Variants in NEGR1 observed in about 807,000 individuals in gnomAD.
The protein encoded by NEGR1 is IgLON family member 4.
A neutral mutation model predicts 40.9 loss-of-function variants in NEGR1; 10 were observed. The ratio of observed to expected loss-of-function variants is 0.24; its 90% CI spans 0.15 to 0.42. The LOEUF is 0.42. Among genes scored for constraint, NEGR1 ranks in the 10% least tolerant of loss-of-function variants. The pLI, the probability that NEGR1 is intolerant of heterozygous loss-of-function variation, is 1.00. For synonymous variants in NEGR1, 185 were observed against 166.8 expected, an observed-to-expected ratio of 1.11 and a Z score of -0.84; for missense variants, 352 against 438.9, an observed-to-expected ratio of 0.80 and a Z score of 1.77.
At position 71,839,329 on chromosome 1, in the gene NEGR1, G is replaced by A. The variant is rs564738048; in HGVS notation, c.410-63032C>T. On this transcript the variant is annotated intron_variant, in intron 2 of 6. Transcript: ENST00000357731. ...AGTAATTCTCCTGCCTCAGCCTCCCGAGTAGCTGGGATTACAGGGGTGAGC... is the reference window on the plus strand; with the variant it reads ...AGTAATTCTCCTGCCTCAGCCTCCCAAGTAGCTGGGATTACAGGGGTGAGC... Among the ~76,000 whole-genome samples, 6 of 150,544 alleles carry A rather than the reference G, an allele frequency of 4.0e-5. No homozygotes were observed. The East Asian group carries it at 1.2e-3, about 30-fold the overall frequency.
At chr1:71,721,325 T>C (rs915122890) in intron 3 of NEGR1, among the ~76,000 whole-genome samples, 2 of 152,156 alleles carry the variant, frequency 1.3e-5, no homozygotes, top group Admixed American at 6.6e-5. Flanking sequence ...CAACAAGTTA[T>C]ATAGAATGTT....
At chr1:71,690,661 G>GAGAGAGAC (rs1653245365) in intron 4 of NEGR1, among the ~76,000 whole-genome samples, 1 of 139,400 alleles carries the variant, frequency 7.2e-6, no homozygotes, top group Non-Finnish European at 1.6e-5. Flanking sequence ...GAGAGAGAGA[G>GAGAGAGAC]AGAGATTGAG....
At chr1:71,796,558 TTTTTG>T (rs1036046310) in intron 2 of NEGR1, among the ~76,000 whole-genome samples, 2 of 152,088 alleles carry the variant, frequency 1.3e-5, no homozygotes, top group African/African-American at 2.4e-5. Context: ...TGACCAAGGT[TTTTTG>T]TTTTGTTTTG....
chr1:72,166,532 T>C (rs1280037640), intron 1 of NEGR1, among the ~76,000 whole-genome samples: 2 of 152,132 alleles, frequency 1.3e-5, no homozygotes, highest in Non-Finnish European at 2.9e-5. Context: ...TCAACCTCAG[T>C]GTCTACCAGC....
At chr1:72,073,965 A>G (rs371295774) in intron 1 of NEGR1, among the ~76,000 whole-genome samples, 43 of 152,276 alleles carry the variant, frequency 2.8e-4, no homozygotes, top group African/African-American at 9.4e-4. Flanking sequence ...AAGTTTTGAG[A>G]TTAAAAATGG....
At chr1:71,785,672 G>A (rs1418423725) in intron 2 of NEGR1, among the ~76,000 whole-genome samples, 4 of 152,098 alleles carry the variant, frequency 2.6e-5, no homozygotes, top group South Asian at 4.1e-4. Flanking sequence ...CTCATCCTTG[G>A]CAGTGAACTA....
chr1:71,763,717 G>C (rs1201820155), intron 3 of NEGR1, among the ~76,000 whole-genome samples: 1 of 150,788 alleles, frequency 6.6e-6, no homozygotes, highest in Non-Finnish European at 1.5e-5. Context: ...AAAGCTATAA[G>C]GAAAATAAAG....
chr1:72,040,428 C>G (rs371442325), intron 1 of NEGR1, among the ~76,000 whole-genome samples: 1 of 151,448 alleles, frequency 6.6e-6, no homozygotes, highest in African/African-American at 2.4e-5. Flanking sequence ...AGCACTTAAG[C>G]ACCTCTTAAA....
chr1:71,851,613 G>T lies in NEGR1; in HGVS notation c.410-75316C>A, dbSNP rs1011567243. 4.6e-5 allele frequency among the ~76,000 whole-genome samples: 7 copies of T among 152,012 alleles called. No homozygotes were observed. The South Asian group carries it at 1.0e-3, about 22-fold the overall frequency. Reference sequence around the variant, plus strand: ...TAGTAAAAGAGATTTTTAATGCAAGGTTAGACAAGAAAAATATGGGTAAAA... The same window carrying T: ...TAGTAAAAGAGATTTTTAATGCAAGTTTAGACAAGAAAAATATGGGTAAAA... On this transcript the variant is annotated intron_variant, in intron 2 of 6. Coordinates refer to ENST00000357731, the MANE Select transcript of NEGR1 (RefSeq NM_173808.3).
chr1:71,645,296 G>A (rs914477500), intron 4 of NEGR1, among the ~76,000 whole-genome samples: 1 of 151,902 alleles, frequency 6.6e-6, no homozygotes, highest in African/African-American at 2.4e-5. Context: ...GATATTTGTT[G>A]ACTGTTAGGT....
At chr1:71,428,194 G>C (rs1341947984) in intron 6 of NEGR1, among the ~76,000 whole-genome samples, 1 of 152,134 alleles carries the variant, frequency 6.6e-6, no homozygotes, top group Non-Finnish European at 1.5e-5. Context: ...ATGCCCTCTT[G>C]TATTTTCACA....
At chr1:72,028,560 T>C (rs1369987726) in intron 1 of NEGR1, among the ~76,000 whole-genome samples, 1 of 152,150 alleles carries the variant, frequency 6.6e-6, no homozygotes, top group Non-Finnish European at 1.5e-5. Flanking sequence ...CACCCACAAA[T>C]TGTAGTTGCC....
chr1:71,853,055 C>A (rs940391940), intron 2 of NEGR1, among the ~76,000 whole-genome samples: 3 of 151,974 alleles, frequency 2.0e-5, no homozygotes, highest in African/African-American at 7.2e-5. Context: ...TCCATGTTGA[C>A]CCTCAGAAAT....
intron 6 of NEGR1, among the ~76,000 whole-genome samples, chr1:71,580,797 T>C (rs1210628950): frequency 6.6e-6 from 1 of 152,148 alleles, no homozygotes; most frequent in Non-Finnish European, 1.5e-5. Context: ...GATGGACTAA[T>C]TGAAGATAAG....
chr1:72,218,049 T>C (rs1162513994), intron 1 of NEGR1, among the ~76,000 whole-genome samples: 1 of 151,866 alleles, frequency 6.6e-6, no homozygotes, highest in Non-Finnish European at 1.5e-5. Context: ...TTTTTCCTGT[T>C]ATAATTAGGT....
intron 1 of NEGR1, among the ~76,000 whole-genome samples, chr1:71,999,429 A>G (rs1291158559): frequency 1.3e-5 from 2 of 151,234 alleles, no homozygotes; most frequent in Non-Finnish European, 3.0e-5. Context: ...GACAAATACC[A>G]GAAGTTTTAA....
At chr1:71,572,077 T>C (rs1648826835) in intron 6 of NEGR1, among the ~76,000 whole-genome samples, 2 of 152,170 alleles carry the variant, frequency 1.3e-5, no homozygotes, top group South Asian at 4.1e-4. Context: ...TTGTCTTTTA[T>C]ATTAGAATAC....
At chr1:71,810,618 A>G (rs773541059) in intron 2 of NEGR1, among the ~76,000 whole-genome samples, 1 of 152,076 alleles carries the variant, frequency 6.6e-6, no homozygotes, top group Non-Finnish European at 1.5e-5. Flanking sequence ...TATAATCCCC[A>G]GTGTTGGAGG....
intron 2 of NEGR1, among the ~76,000 whole-genome samples, chr1:71,904,769 C>T (rs1392439999): frequency 6.6e-6 from 1 of 152,104 alleles, no homozygotes; most frequent in East Asian, 1.9e-4. Context: ...CCAGAAAGAA[C>T]TCAAAATCCA....
Sources: allele counts gnomAD v4.1 joint callset (sites outside exome capture counted in the v4.1 genomes callset), GRCh38; gene constraint gnomAD v4.1.1; transcripts MANE v1.5; gene names NCBI Gene and HGNC (gene_info 2026-07-23, HGNC 2026-07-21).